The following XRN1 variants were observed in gnomAD, a reference collection of about 807,000 sequenced individuals.
XRN1 encodes strand-exchange protein 1 homolog.
In XRN1, 67 loss-of-function variants were observed where a neutral mutation model predicts 222.3. The ratio of observed to expected loss-of-function variants is 0.30; its 90% CI spans 0.25 to 0.37. XRN1 has a LOEUF of 0.37. Among genes scored for constraint, XRN1 ranks in the 10% least tolerant of loss-of-function variants. XRN1 has a pLI of 1.00. For missense variants in XRN1, 1,707 were observed against 2,000.2 expected (o/e 0.85, Z 2.80); for synonymous variants, 643 against 652.4 (o/e 0.99, Z 0.22).
At chr3:142,413,513 CA>C (rs1314700640) in intron 14 of XRN1, among the ~76,000 whole-genome samples, 1 of 152,026 alleles carries the variant, frequency 6.6e-6, no homozygotes. Context: ...AATTCCTGAC[CA>C]AACCACAGAA....
At position 142,366,720 on chromosome 3, in the gene XRN1, T is replaced by C. The variant is rs539668813; in HGVS notation, c.3205-1354A>G. The stretch of plus-strand genomic sequence containing the variant: ...CAGCCGACTAGATGCACTAAAAGAC[T>C]ACAACAGCAAAAGGAAAGACTATGA... On this transcript the variant is annotated intron_variant, in intron 27 of 40. Transcript: ENST00000392981. 3.3e-5 allele frequency among the ~76,000 whole-genome samples: 5 copies of C among 152,188 alleles called. No individual in the cohort carries two copies. In the South Asian group the frequency reaches 1.0e-3, roughly 32 times the overall value.
intron 20 of XRN1, among the ~76,000 whole-genome samples, chr3:142,391,179 T>C (rs1282661437): frequency 4.0e-5 from 6 of 151,840 alleles, no homozygotes; most frequent in African/African-American, 1.2e-4. Context: ...TTGGAAAAAA[T>C]GGCACTGATA....
chr3:142,316,447 T>C (rs35886246), intron 39 of XRN1, among the ~76,000 whole-genome samples: 2 of 152,054 alleles, frequency 1.3e-5, no homozygotes, highest in Non-Finnish European at 2.9e-5. Context: ...TTTGCCATGT[T>C]GCCCAGGCTA....
intron 1 of XRN1, among the ~76,000 whole-genome samples, chr3:142,444,441 T>A (rs1021612062): frequency 6.6e-6 from 1 of 152,106 alleles, no homozygotes; most frequent in South Asian, 2.1e-4. Context: ...CAAAACTCCA[T>A]GTCTACTAAG....
At chr3:142,380,244 A>G in intron 22 of XRN1, 64 bp from the exon 23 acceptor site, 4 of 1,357,322 alleles carry the variant, frequency 2.9e-6, no homozygotes, top group Non-Finnish European at 4.1e-6. Flanking sequence ...AACTTATTTG[A>G]ACACTATTAT....
intron 19 of XRN1, among the ~76,000 whole-genome samples, chr3:142,397,914 T>C (rs187237563): frequency 6.6e-6 from 1 of 152,296 alleles, no homozygotes; most frequent in East Asian, 1.9e-4. Context: ...AAATATCACA[T>C]GTATTCTACA....
At position 142,425,378 on chromosome 3, in the gene XRN1, G is replaced by A; in HGVS notation, c.517-46C>T. 5.7e-6 allele frequency: 9 copies of A among 1,581,480 alleles called. 1 individual carries two copies. Among genetic ancestry groups the A allele is most frequent in the South Asian group, 4.6e-5 (4 of 86,968 alleles). On this transcript the variant is annotated intron_variant, in intron 4 of 40. Coordinates refer to ENST00000392981, the MANE Select transcript of XRN1 (RefSeq NM_001282857.2). Reference sequence around the variant, plus strand: ...AAATGCAGTAATATGGTATATGCTTGAGAATATTAAATACTTTTTTTAAAC... The same window carrying A: ...AAATGCAGTAATATGGTATATGCTTAAGAATATTAAATACTTTTTTTAAAC...
At chr3:142,363,761 T>C (rs1488514271) in intron 29 of XRN1, among the ~76,000 whole-genome samples, 1 of 152,232 alleles carries the variant, frequency 6.6e-6, no homozygotes, top group Admixed American at 6.5e-5. Context: ...TTCAATTTTT[T>C]CTGGTTAGTC....
At chr3:142,435,824 G>A (rs2069869683) in intron 1 of XRN1, 1 of 150,670 alleles carries the variant, frequency 6.6e-6, no homozygotes, top group Non-Finnish European at 1.5e-5. Flanking sequence ...AGCACTTTGG[G>A]AGGCCAAGGC....
At chr3:142,331,222 T>C (rs969695001) in intron 36 of XRN1, among the ~76,000 whole-genome samples, 2 of 152,242 alleles carry the variant, frequency 1.3e-5, no homozygotes, top group Admixed American at 1.3e-4. Flanking sequence ...TCAGTCATTC[T>C]TCCTGGCTGC....
At chr3:142,435,076 C>T (rs888983265) in intron 1 of XRN1, 2 of 151,986 alleles carry the variant, frequency 1.3e-5, no homozygotes, top group Non-Finnish European at 2.9e-5. Context: ...AATGACAAAA[C>T]GTAGGGAAAT....
chr3:142,364,341 CTT>C (rs1031410749), intron 29 of XRN1, among the ~76,000 whole-genome samples: 13 of 152,146 alleles, frequency 8.5e-5, no homozygotes, highest in African/African-American at 3.1e-4. Flanking sequence ...CTGGCACTAA[CTT>C]TTTTTGAATC....
intron 21 of XRN1, 49 bp downstream of exon 21, chr3:142,384,474 G>A (rs766288241): frequency 6.8e-7 from 1 of 1,461,156 alleles, no homozygotes. Context: ...AGTGAATAGT[G>A]TATTAATAGT....
chr3:142,353,457 A>G lies in XRN1; in HGVS notation c.3768+1944T>C, dbSNP rs1314313097. On this transcript the variant is annotated intron_variant, in intron 32 of 40. Transcript: ENST00000392981. ...TACCATGTATCTGCCATGTAACAAA[A>G]GTAGCATGGTACTGGTACAAAAACA... Among the ~76,000 whole-genome samples, 7 of 152,208 alleles carry G rather than the reference A, an allele frequency of 4.6e-5. No homozygotes were observed. The East Asian group carries it at 1.3e-3, about 29-fold the overall frequency.
In XRN1 at chr3:142,308,651, G is replaced by A. The variant is rs1351165214; in HGVS notation, c.*2860C>T. On this transcript the variant is annotated 3_prime_UTR_variant, in exon 41 of 41. Coordinates refer to ENST00000392981, the MANE Select transcript of XRN1 (RefSeq NM_001282857.2). ...AGGTAATGCAGGAAAATGTGAAAAG[G>A]AACGAGACTGGAAGGAGCAATCTTC... 1.3e-5 allele frequency: 2 copies of A among 152,128 alleles called. No individual in the cohort carries two copies. Among genetic ancestry groups the A allele is most frequent in the Non-Finnish European group, 2.9e-5 (2 of 68,018 alleles). The allele number at this position is 152,128 out of a possible 1,614,324, so 9.4% of individuals were successfully genotyped here. A position where few individuals can be genotyped will look rare whatever the true frequency, so the allele number is the denominator to read the frequency against.
At chr3:142,371,003 C>T (rs370879751) in intron 26 of XRN1, among the ~76,000 whole-genome samples, 11 of 151,912 alleles carry the variant, frequency 7.2e-5, no homozygotes, top group Admixed American at 2.0e-4. Context: ...AATGTGGAGG[C>T]GTACGCCTAA....
chr3:142,361,963 CTTTTTTT>C (rs71153961), intron 29 of XRN1, among the ~76,000 whole-genome samples: 12 of 51,680 alleles, frequency 2.3e-4, no homozygotes, highest in African/African-American at 3.6e-4. Flanking sequence ...CTTTTTCTCT[CTTTTTTT>C]TTTTTTTTTT....
At chr3:142,433,486 C>T (rs2069721329) in intron 1 of XRN1, among the ~76,000 whole-genome samples, 1 of 152,044 alleles carries the variant, frequency 6.6e-6, no homozygotes, top group South Asian at 2.1e-4. Flanking sequence ...TTGTAAGCTC[C>T]GAATAACAAA....
At chr3:142,368,233 C>T (rs1260806153) in intron 27 of XRN1, among the ~76,000 whole-genome samples, 1 of 152,062 alleles carries the variant, frequency 6.6e-6, no homozygotes, top group Non-Finnish European at 1.5e-5. Flanking sequence ...ACTGCAACCT[C>T]CGCTTCCCAG....
Sources: allele counts gnomAD v4.1 joint callset (sites outside exome capture counted in the v4.1 genomes callset), GRCh38; gene constraint gnomAD v4.1.1; transcripts MANE v1.5; gene names NCBI Gene and HGNC (gene_info 2026-07-23, HGNC 2026-07-21).